Variants in AR observed in about 807,000 individuals in gnomAD.
AR encodes the protein androgen receptor, also known as dihydrotestosterone receptor.
AR carries 8 observed loss-of-function variants against 53.9 expected under a neutral mutation model. The observed-to-expected ratio is 0.15, with a 90% CI of 0.09 to 0.27. The LOEUF (loss-of-function observed/expected upper bound fraction) is 0.27, where lower values mean the gene tolerates loss of function less well. Among genes scored for constraint, AR ranks in the 10% least tolerant of loss-of-function variants. AR has a pLI of 1.00. For synonymous variants in AR, 359 were observed against 316.4 expected (o/e 1.13, Z -1.43); for missense variants, 639 against 742.5 (o/e 0.86, Z 1.62).
intron 1 of AR, among the ~76,000 whole-genome samples, chrX:67,572,086 C>T (rs769037008): frequency 9.0e-6 from 1 of 111,274 alleles, no homozygotes; most frequent in South Asian, 3.8e-4. Context: ...ACAAACTTCT[C>T]ACTTATTTAA....
chrX:67,584,183 C>T (rs770444631), intron 1 of AR, among the ~76,000 whole-genome samples: 1 of 111,928 alleles, frequency 8.9e-6, no homozygotes, highest in Non-Finnish European at 1.9e-5. Flanking sequence ...GAGGCCCTCT[C>T]CCTACCCAGA....
chrX:67,602,054 A>T (rs958487569), intron 1 of AR, among the ~76,000 whole-genome samples: 2 of 112,202 alleles, frequency 1.8e-5, no homozygotes, highest in Admixed American at 9.5e-5. Context: ...GAAAAATATG[A>T]CAATTAATTA....
At chrX:67,704,391 G>A (rs752352913) in intron 3 of AR, among the ~76,000 whole-genome samples, 17 of 112,384 alleles carry the variant, frequency 1.5e-4, no homozygotes, top group African/African-American at 5.2e-4. Context: ...TTTCTCTGAT[G>A]GCCAGTGATG....
chrX:67,570,055 G>A (rs1279108074), intron 1 of AR, among the ~76,000 whole-genome samples: 1 of 111,945 alleles, frequency 8.9e-6, no homozygotes, highest in African/African-American at 3.2e-5. Context: ...TTTTGTGCAT[G>A]TTTTAGTTTG....
chrX:67,643,005 A>G (rs1222284529), intron 1 of AR, among the ~76,000 whole-genome samples: 2 of 111,860 alleles, frequency 1.8e-5, no homozygotes, highest in Non-Finnish European at 3.8e-5. Flanking sequence ...CCGCATATAG[A>G]CATAGACTAT....
At chrX:67,653,525 G>C (rs1464269000) in intron 2 of AR, among the ~76,000 whole-genome samples, 3 of 111,594 alleles carry the variant, frequency 2.7e-5, no homozygotes, top group Admixed American at 1.9e-4. Flanking sequence ...GAGGGAACAG[G>C]CTGAGCAAAG....
chrX:67,681,322 C>T (rs1417504678), intron 2 of AR, among the ~76,000 whole-genome samples: 1 of 111,598 alleles, frequency 9.0e-6, no homozygotes, highest in African/African-American at 3.3e-5. Flanking sequence ...AACCACCTTA[C>T]AGCAGGATTA....
intron 4 of AR, among the ~76,000 whole-genome samples, chrX:67,716,591 G>T (rs920770052): frequency 7.2e-5 from 8 of 111,406 alleles, no homozygotes; most frequent in African/African-American, 2.6e-4. Flanking sequence ...TGGCAGTAGG[G>T]TGGGAAATTA....
At chrX:67,603,448 C>A (rs1923474577) in intron 1 of AR, among the ~76,000 whole-genome samples, 1 of 111,563 alleles carries the variant, frequency 9.0e-6, no homozygotes, top group African/African-American at 3.3e-5. Flanking sequence ...TGTCTGTGAA[C>A]TGGGCCTTGA....
chrX:67,641,043 G>A (rs142726024), intron 1 of AR, among the ~76,000 whole-genome samples: 17 of 111,361 alleles, frequency 1.5e-4, no homozygotes, highest in African/African-American at 4.9e-4. Context: ...CCCTGTGCCT[G>A]GTCCATAGGG....
rs1449903184 is a variant in AR, at chrX:67,730,381, G to T, written c.*6540G>T. 1 of 172,341 alleles carries T rather than the reference G, an allele frequency of 5.8e-6. No individual in the cohort carries two copies. The highest frequency in any genetic ancestry group is 8.2e-5 in the East Asian group (1 of 12,181). 14.2% of individuals were successfully genotyped at this position (172,341 alleles called of 1,213,427 possible). ...GTTGCTCTAAATACAATTAAAAATG[G>T]CAGAAACTTGTTTGTTGGACTACAT... On this transcript the variant is annotated 3_prime_UTR_variant, in exon 8 of 8. Coordinates refer to ENST00000374690, the MANE Select transcript of AR (RefSeq NM_000044.6).
At chrX:67,701,966 T>C (rs1475025721) in intron 3 of AR, among the ~76,000 whole-genome samples, 2 of 111,049 alleles carry the variant, frequency 1.8e-5, no homozygotes, top group African/African-American at 6.5e-5. Flanking sequence ...AGGGATGATA[T>C]AACCCCAGCC....
chrX:67,699,459 C>T (rs1486342527), intron 3 of AR, among the ~76,000 whole-genome samples: 1 of 112,228 alleles, frequency 8.9e-6, no homozygotes, highest in African/African-American at 3.2e-5. Context: ...ACAACAGAGA[C>T]TCTTCCTTGT....
chrX:67,704,345 G>C (rs902936271), intron 3 of AR, among the ~76,000 whole-genome samples: 2 of 112,100 alleles, frequency 1.8e-5, no homozygotes, highest in African/African-American at 3.2e-5. Flanking sequence ...ATTCTAACTG[G>C]TGTGAGATGG....
rs753215222 is a variant in AR at position 67,686,104 on chromosome X, T to C, written c.1863T>C (p.Tyr621=). 6.6e-6 allele frequency: 8 copies of C among 1,210,531 alleles called. No individual in the cohort carries two copies. The Admixed American group carries it at 1.5e-4, about 23-fold the overall frequency. The change falls in exon 3 of 8, where the codon TAT becomes TAC. Residue 621 remains tyrosine, a synonymous_variant. Coordinates refer to ENST00000374690, the MANE Select transcript of AR (RefSeq NM_000044.6). The part of the protein sequence containing the change: ...NCPSCRLRKC[Y]EAGMTLGARK... ...CATCTTGTCGTCTTCGGAAATGTTA[T>C]GAAGCAGGGATGACTCTGGGAGGTA...
chrX:67,566,566 T>C (rs1341634384), intron 1 of AR, among the ~76,000 whole-genome samples: 1 of 111,727 alleles, frequency 9.0e-6, no homozygotes, highest in East Asian at 2.8e-4. Flanking sequence ...TGTGTGATGA[T>C]GGATGGGGCT....
In AR at chrX:67,728,842, A is replaced by G. The variant is rs1469641908; in HGVS notation, c.*5001A>G. ...CAGAGGGATAAAAAGAGTAGAGGAC[A>G]TGATACATTGTACTTTACTAGTTCA... On this transcript the variant is annotated 3_prime_UTR_variant, in exon 8 of 8. Coordinates refer to ENST00000374690, the MANE Select transcript of AR (RefSeq NM_000044.6). The G allele has an allele frequency of 1.2e-5, 2 of 165,040 alleles. No individual in the cohort carries two copies. The highest frequency in any genetic ancestry group is 3.0e-5 in the African/African-American group (1 of 32,915). The allele number at this position is 165,040 out of a possible 1,213,427, so 13.6% of individuals were successfully genotyped here.
At chrX:67,557,485 G>C (rs1921108255) in intron 1 of AR, among the ~76,000 whole-genome samples, 1 of 112,036 alleles carries the variant, frequency 8.9e-6, no homozygotes, top group Non-Finnish European at 1.9e-5. Flanking sequence ...CATCCTGATG[G>C]CTTCTTCTCA....
chrX:67,696,498 A>G (rs1404356880), intron 3 of AR, among the ~76,000 whole-genome samples: 1 of 111,763 alleles, frequency 8.9e-6, no homozygotes, highest in Non-Finnish European at 1.9e-5. Flanking sequence ...ATATCATTCT[A>G]TCATTAATTA....
Sources: allele counts gnomAD v4.1 joint callset (sites outside exome capture counted in the v4.1 genomes callset), GRCh38; gene constraint gnomAD v4.1.1; transcripts MANE v1.5; gene names NCBI Gene and HGNC (gene_info 2026-07-23, HGNC 2026-07-21).